The following TAFA1 variants were observed in gnomAD, a reference collection of about 807,000 sequenced individuals.
The protein encoded by TAFA1 is chemokine-like protein TAFA-1.
TAFA1 carries 4 observed loss-of-function variants against 18.5 expected under a neutral mutation model. The observed-to-expected ratio is 0.22, with a 90% CI of 0.11 to 0.49. The LOEUF (loss-of-function observed/expected upper bound fraction) is 0.49. TAFA1 is among the 20% of genes least tolerant of loss of function. The pLI, the probability that TAFA1 is intolerant of heterozygous loss-of-function variation, is 0.98. For missense variants in TAFA1, 147 were observed against 169.0 expected, an observed-to-expected ratio of 0.87 and a Z score of 0.72; for synonymous variants, 56 against 55.2, an observed-to-expected ratio of 1.01 and a Z score of -0.06.
At chr3:68,379,400 G>C (rs2069884634) in intron 2 of TAFA1, among the ~76,000 whole-genome samples, 1 of 152,146 alleles carries the variant, frequency 6.6e-6, no homozygotes, top group African/African-American at 2.4e-5. Flanking sequence ...TTAGACCATT[G>C]TCAGATGCAC....
chr3:68,455,334 A>C (rs1437008882), intron 3 of TAFA1, among the ~76,000 whole-genome samples: 2 of 152,132 alleles, frequency 1.3e-5, no homozygotes, highest in Non-Finnish European at 2.9e-5. Flanking sequence ...ACAGAAATGC[A>C]TCATAACATT....
intron 2 of TAFA1, among the ~76,000 whole-genome samples, chr3:68,091,299 C>T (rs1381608254): frequency 6.6e-6 from 1 of 152,154 alleles, no homozygotes; most frequent in Non-Finnish European, 1.5e-5. Context: ...ATGGCTAGCC[C>T]TGAGAACAAA....
At chr3:68,113,017 A>T (rs1157650621) in intron 2 of TAFA1, among the ~76,000 whole-genome samples, 2 of 152,168 alleles carry the variant, frequency 1.3e-5, no homozygotes, top group Non-Finnish European at 2.9e-5. Flanking sequence ...TTTACACTCA[A>T]TGTCGTGTAT....
chr3:68,280,202 G>C (rs553649792), intron 2 of TAFA1, among the ~76,000 whole-genome samples: 1 of 152,098 alleles, frequency 6.6e-6, no homozygotes, highest in Non-Finnish European at 1.5e-5. Flanking sequence ...TTTTAAAAGG[G>C]GGAACTGAGA....
chr3:68,116,342 T>C (rs543858198), intron 2 of TAFA1, among the ~76,000 whole-genome samples: 1 of 152,314 alleles, frequency 6.6e-6, no homozygotes, highest in South Asian at 2.1e-4. Context: ...ATTATACACA[T>C]AAGGAAATTT....
At chr3:68,440,564 C>G (rs557025804) in intron 3 of TAFA1, among the ~76,000 whole-genome samples, 2 of 152,274 alleles carry the variant, frequency 1.3e-5, no homozygotes, top group South Asian at 4.1e-4. Context: ...TGACTAGTTT[C>G]TTCTACTACC....
chr3:68,364,224 A>C (rs1314594830), intron 2 of TAFA1, among the ~76,000 whole-genome samples: 1 of 152,208 alleles, frequency 6.6e-6, no homozygotes, highest in Non-Finnish European at 1.5e-5. Flanking sequence ...AATATCCTGT[A>C]ATATTTGTTT....
At chr3:68,467,113 G>C (rs1461125479) in intron 3 of TAFA1, among the ~76,000 whole-genome samples, 2 of 152,154 alleles carry the variant, frequency 1.3e-5, no homozygotes, top group Non-Finnish European at 2.9e-5. Context: ...CAGGCAGCTA[G>C]ACTTTTAAGG....
At chr3:68,095,545 A>G (rs1465552068) in intron 2 of TAFA1, among the ~76,000 whole-genome samples, 1 of 152,146 alleles carries the variant, frequency 6.6e-6, no homozygotes, top group Non-Finnish European at 1.5e-5. Context: ...AAAAATTCTC[A>G]TGATAGCCCT....
In TAFA1 at chr3:68,012,107, C is replaced by T. The variant is rs568220246; in HGVS notation, c.118+5363C>T. Among the ~76,000 whole-genome samples, 74 of 152,308 alleles carry T rather than the reference C, an allele frequency of 4.9e-4. 3 individuals are homozygous for T. Among genetic ancestry groups the T allele is most frequent in the Admixed American group, 4.8e-3 (74 of 15,290 alleles). ...AGAAGACAATTTGAACTCTTTTAAA[C>T]ATTCTTTCAATTTTAAACTTTCTGC... On this transcript the variant is annotated intron_variant, in intron 2 of 4. Transcript: ENST00000478136.
intron 2 of TAFA1, among the ~76,000 whole-genome samples, chr3:68,415,225 G>A (rs2070806003): frequency 6.6e-6 from 1 of 152,110 alleles, no homozygotes; most frequent in Non-Finnish European, 1.5e-5. Context: ...AGCTTACCAA[G>A]GTGGTTGCCC....
intron 3 of TAFA1, among the ~76,000 whole-genome samples, chr3:68,487,543 C>G (rs2072367331): frequency 6.6e-6 from 1 of 151,740 alleles, no homozygotes; most frequent in Admixed American, 6.6e-5. Flanking sequence ...GTCAGGAGAT[C>G]GAGACCATCC....
chr3:68,046,715 A>G (rs1025705788), intron 2 of TAFA1, among the ~76,000 whole-genome samples: 1 of 152,136 alleles, frequency 6.6e-6, no homozygotes, highest in African/African-American at 2.4e-5. Flanking sequence ...TTATAAGTAG[A>G]TAGAGATTTG....
chr3:68,125,162 G>A (rs138396478), intron 2 of TAFA1, among the ~76,000 whole-genome samples: 31 of 152,304 alleles, frequency 2.0e-4, no homozygotes, highest in African/African-American at 7.2e-4. Flanking sequence ...TCTTTATCCT[G>A]CATCCCACTG....
chr3:68,337,245 G>A (rs1552710), intron 2 of TAFA1, among the ~76,000 whole-genome samples: 71,477 of 151,772 alleles, frequency 0.47, 17,327 homozygotes, highest in East Asian at 0.72. Flanking sequence ...GGCGAAGGCA[G>A]ACGGGAAGCA....
chr3:68,344,592 A>C (rs899526606), intron 2 of TAFA1, among the ~76,000 whole-genome samples: 1 of 152,276 alleles, frequency 6.6e-6, no homozygotes, highest in Admixed American at 6.5e-5. Flanking sequence ...GGTCACATTG[A>C]ACTGACTATC....
intron 3 of TAFA1, among the ~76,000 whole-genome samples, chr3:68,525,950 C>T (rs1004706854): frequency 6.6e-6 from 1 of 152,134 alleles, no homozygotes; most frequent in African/African-American, 2.4e-5. Flanking sequence ...CCTTAGTCCT[C>T]CTGAGTTTTC....
intron 3 of TAFA1, among the ~76,000 whole-genome samples, chr3:68,470,515 G>A (rs998369384): frequency 6.6e-6 from 1 of 152,186 alleles, no homozygotes; most frequent in Non-Finnish European, 1.5e-5. Context: ...AATGCTGATA[G>A]TGATATGGAC....
At chr3:68,253,573 T>C (rs73836820) in intron 2 of TAFA1, among the ~76,000 whole-genome samples, 1 of 152,304 alleles carries the variant, frequency 6.6e-6, no homozygotes, top group East Asian at 1.9e-4. Flanking sequence ...TGTCTTACAT[T>C]AATATTTTCT....
Sources: gnomAD v4.1 joint callset for allele counts (sites outside exome capture counted in the v4.1 genomes callset) on GRCh38, gnomAD v4.1.1 for gene constraint, MANE v1.5 for transcripts, NCBI Gene and HGNC (gene_info 2026-07-23, HGNC 2026-07-21) for gene names.